Variants in UBR4 observed in about 807,000 individuals in gnomAD.
The protein encoded by UBR4 is ubiquitin protein ligase E3 component n-recognin 4, also known as E3 ubiquitin-protein ligase UBR4.
UBR4 carries 124 observed loss-of-function variants against 575.6 expected under a neutral mutation model. That is an observed-to-expected ratio of 0.22 (90% CI 0.19 to 0.25). The LOEUF (loss-of-function observed/expected upper bound fraction) is 0.25, where lower values mean the gene tolerates loss of function less well. UBR4 is among the 10% of genes least tolerant of loss of function. The probability of loss-of-function intolerance (pLI) is 1.00; values close to 1 mark genes in which losing one functional copy is unlikely to be tolerated. For missense variants in UBR4, 4,818 were observed against 6,478.8 expected (o/e 0.74, Z 8.80); for synonymous variants, 2,455 against 2,473.7 (o/e 0.99, Z 0.22).
chr1:19,077,373 C>G (rs2181598), intron 104 of UBR4, among the ~76,000 whole-genome samples: 102,122 of 152,096 alleles, frequency 0.67, 35,031 homozygotes, highest in East Asian at 0.8. Context: ...AGAGACCCGG[C>G]GGGGAAGGTC....
chr1:19,106,498 G>A (rs2149199951), intron 83 of UBR4, 71 bp downstream of exon 83: 3 of 1,482,348 alleles, frequency 2.0e-6, no homozygotes, highest in Middle Eastern at 1.8e-4. Context: ...CATGGTGAGG[G>A]GCAGAAACAT....
intron 97 of UBR4, 147 bp downstream of exon 97, chr1:19,092,672 T>A: frequency 1.7e-6 from 1 of 598,904 alleles, no homozygotes; most frequent in Non-Finnish European, 2.8e-6. Flanking sequence ...CTTACTTCTC[T>A]CAGCACACAT....
rs1487528471 is a variant in UBR4, at chr1:19,124,568, G to C, written c.9561C>G (p.Asp3187Glu). The change falls in exon 65 of 106, where the codon GAC becomes GAG. Residue 3187 changes from aspartate (D) to glutamate (E), a missense_variant. Physicochemically the swap from Asp to Glu is conservative, Grantham distance 45. This residue lies in a region of UBR4 where 550 missense variants were observed against 791.5 expected (regional missense o/e 0.69). Coordinates refer to ENST00000375254, the MANE Select transcript of UBR4 (RefSeq NM_020765.3). The stretch of plus-strand genomic sequence containing the variant: ...CGGAGAGAAAGTAAAACCACGAGTG[G>C]TCAAAGACAGGAGGTGGGATTCGAG... Reference protein sequence around the residue: ...TNSRIPPPVFDHSWFYFLSEY... With the variant: ...TNSRIPPPVFEHSWFYFLSEY... The C allele has an allele frequency of 2.5e-6, 4 of 1,614,190 alleles. No homozygotes were observed. Among genetic ancestry groups the C allele is most frequent in the Non-Finnish European group, 3.4e-6 (4 of 1,180,024 alleles).
At chr1:19,146,251 T>G in intron 52 of UBR4, 6 of 543,588 alleles carry the variant, frequency 1.1e-5, no homozygotes, top group South Asian at 2.0e-5. Context: ...ATTCTAGAGA[T>G]CTCTCTAGAA....
At chr1:19,208,515 T>G (rs2093133948) in intron 1 of UBR4, among the ~76,000 whole-genome samples, 2 of 150,850 alleles carry the variant, frequency 1.3e-5, no homozygotes, top group South Asian at 4.2e-4. Context: ...AATAAATGCG[T>G]TACCAAAGAC....
rs143098074 is a variant in UBR4 at position 19,174,336 on chromosome 1, T to G, written c.2965A>C (p.Lys989Gln). The change falls in exon 22 of 106, where the codon AAG becomes CAG. Residue 989 changes from lysine to glutamine, a missense_variant. Lys to Gln is a moderately conservative substitution (Grantham distance 53). Transcript: ENST00000375254. The stretch of plus-strand genomic sequence containing the variant: ...GGTCTTACCAAGGCTGTTACATTCT[T>G]GTTTTCCTTTCTCCTAACTGTATCA... Reference protein sequence around the residue: ...QLDTVRRKENKNVTALEACAL... With the variant: ...QLDTVRRKENQNVTALEACAL... 177 of 1,613,260 alleles carry G rather than the reference T, an allele frequency of 1.1e-4. 1 individual carries two copies. In the African/African-American group the frequency reaches 1.6e-3, roughly 15 times the overall value.
rs542188167 is a variant in UBR4, at chr1:19,203,677, C to T, written c.177-1862G>A. On this transcript the variant is annotated intron_variant, in intron 1 of 105. Coordinates refer to ENST00000375254, the MANE Select transcript of UBR4 (RefSeq NM_020765.3). ...CCTTGAATAACACTTGAGAGTCTGG[C>T]ATTGCGAGCACTTTGCTATATGCAG... is the stretch of plus-strand genomic sequence containing the variant. 5.9e-5 allele frequency among the ~76,000 whole-genome samples: 9 copies of T among 152,248 alleles called. No homozygotes were observed. In the East Asian group the frequency reaches 1.7e-3, roughly 29 times the overall value.
At position 19,165,651 on chromosome 1, in the gene UBR4, C is replaced by T; in HGVS notation, c.4211+5G>A. 1 of 1,613,172 alleles carries T rather than the reference C, an allele frequency of 6.2e-7. No homozygotes were observed. ...ATTCACTGAATAAAGCAAAACACGG[C>T]TCACCTGTCAGAGAAAAACTCCTCC... On this transcript the variant is annotated splice_donor_5th_base_variant and intron_variant, in intron 30 of 105. Transcript: ENST00000375254.
chr1:19,148,727 T>C, intron 49 of UBR4, 101 bp from the exon 50 acceptor site: 1 of 1,254,906 alleles, frequency 8.0e-7, no homozygotes, highest in Non-Finnish European at 1.1e-6. Flanking sequence ...GGACAGCTAA[T>C]GAATGCCAAA....
At chr1:19,185,514 T>C (rs951563873) in intron 14 of UBR4, among the ~76,000 whole-genome samples, 2 of 151,874 alleles carry the variant, frequency 1.3e-5, no homozygotes, top group Admixed American at 1.3e-4. Context: ...TTCAACCCGT[T>C]AAGAATTTCT....
rs781478542 is a variant in UBR4, at chr1:19,081,587, G to A, written c.15009-14C>T. ...GTTGCTCGGGTTCTAGAAGAAAAGCGGCATGATAAAATAAAAGCAGGGTGG... is the reference window on the plus strand; with the variant it reads ...GTTGCTCGGGTTCTAGAAGAAAAGCAGCATGATAAAATAAAAGCAGGGTGG... On this transcript the variant is annotated splice_polypyrimidine_tract_variant and intron_variant, in intron 102 of 105. Coordinates refer to ENST00000375254, the MANE Select transcript of UBR4 (RefSeq NM_020765.3). The A allele has an allele frequency of 4.6e-5, 74 of 1,613,664 alleles. No homozygotes were observed. Among genetic ancestry groups the A allele is most frequent in the East Asian group, 2.9e-4 (13 of 44,870 alleles).
At chr1:19,141,206 G>T in intron 57 of UBR4, 141 bp downstream of exon 57, 1 of 1,141,748 alleles carries the variant, frequency 8.8e-7, no homozygotes, top group Non-Finnish European at 1.2e-6. Context: ...CTCTCCACCT[G>T]TATCTCTGAA....
At chr1:19,193,095 A>G (rs561033373) in intron 9 of UBR4, among the ~76,000 whole-genome samples, 1 of 152,272 alleles carries the variant, frequency 6.6e-6, no homozygotes, top group South Asian at 2.1e-4. Context: ...TATCAATCAC[A>G]ATGTATTGTT....
In UBR4 at chr1:19,165,237, G is replaced by A; in HGVS notation, c.4312+12C>T. 2 of 1,608,890 alleles carry A rather than the reference G, an allele frequency of 1.2e-6. No homozygotes were observed. The highest frequency in any genetic ancestry group is 2.2e-5 in the South Asian group (2 of 90,936). ...AGTTCCCATAAGAAGATTACTAAAA[G>A]CTGTCACTCACTCAGCTGGAAGAGT... On this transcript the variant is annotated intron_variant, in intron 31 of 105. Transcript: ENST00000375254.
intron 11 of UBR4, among the ~76,000 whole-genome samples, chr1:19,190,731 A>G (rs1397474807): frequency 6.6e-6 from 1 of 152,070 alleles, no homozygotes; most frequent in Admixed American, 6.6e-5. Context: ...CCTTCCAAAT[A>G]TATTTCAATT....
chr1:19,192,161 A>G, intron 11 of UBR4, 27 bp downstream of exon 11: 8 of 1,593,324 alleles, frequency 5.0e-6, no homozygotes, highest in Non-Finnish European at 6.8e-6. Context: ...AAAACAAAAT[A>G]TAAGTTATAA....
intron 49 of UBR4, among the ~76,000 whole-genome samples, chr1:19,149,578 A>G (rs2085360040): frequency 6.6e-6 from 1 of 152,150 alleles, no homozygotes; most frequent in South Asian, 2.1e-4. Context: ...CCAAGAGTGC[A>G]CTTACGATCT....
intron 33 of UBR4, 92 bp downstream of exon 33, chr1:19,164,161 A>G: frequency 7.0e-7 from 1 of 1,438,016 alleles, no homozygotes; most frequent in South Asian, 1.5e-5. Context: ...TAGAGATTCA[A>G]ATTTCTTCTG....
chr1:19,161,703 G>A lies in UBR4; in HGVS notation c.5061C>T (p.Gly1687=), dbSNP rs755629461. The change falls in exon 37 of 106, where the codon GGC becomes GGT. Residue 1687 remains glycine, a synonymous_variant. Coordinates refer to ENST00000375254, the MANE Select transcript of UBR4 (RefSeq NM_020765.3). ...YHCHTCKMVD[G]VGVCTVCAKV... ...TAGCACACACTGTGCAGACACCCAC[G>A]CCATCCACCATTTTACAGGTGTGAC... 6.4e-5 allele frequency: 104 copies of A among 1,612,788 alleles called. No homozygotes were observed. The highest frequency in any genetic ancestry group is 2.2e-4 in the East Asian group (10 of 44,858).
Sources: gnomAD v4.1 joint callset for allele counts (sites outside exome capture counted in the v4.1 genomes callset) on GRCh38, gnomAD v4.1.1 for gene constraint, gnomAD v4.1.1 regional missense constraint, MANE v1.5 for transcripts, NCBI Gene and HGNC (gene_info 2026-07-23, HGNC 2026-07-21) for gene names.